The following SPATC1 variants were observed in gnomAD, a reference collection of about 807,000 sequenced individuals.
SPATC1 encodes spermatogenesis and centriole associated 1.
In SPATC1, 35 loss-of-function variants were observed where a neutral mutation model predicts 36.5. The ratio of observed to expected loss-of-function variants is 0.96; its 90% CI spans 0.73 to 1.27. The LOEUF (loss-of-function observed/expected upper bound fraction) is 1.27, where lower values mean the gene tolerates loss of function less well. Among genes scored for constraint, SPATC1 ranks in the 50% most tolerant of loss-of-function variants. The pLI is 0.00. For synonymous variants in SPATC1, 361 were observed against 353.6 expected, an observed-to-expected ratio of 1.02 and a Z score of -0.24; for missense variants, 779 against 796.0, an observed-to-expected ratio of 0.98 and a Z score of 0.26.
chr8:144,042,301 ATATATATATATTTT>A (rs1410557463), intron 4 of SPATC1, among the ~76,000 whole-genome samples: 12 of 55,786 alleles, frequency 2.2e-4, no homozygotes, highest in African/African-American at 1.1e-3. Flanking sequence ...ATATATATAT[ATATATATATATTTT>A]TTTTTTTTTT....
chr8:144,036,890 C>T lies in SPATC1; in HGVS notation c.212-3019C>T, dbSNP rs969419176. ...AGGCTCAGTAAAAAAATAGCACGTC[C>T]GTAAGATGAGGCCTCCGCAGCTACA... is the stretch of plus-strand genomic sequence containing the variant. On this transcript the variant is annotated intron_variant, in intron 1 of 4. Transcript: ENST00000377470. 1.7e-3 allele frequency among the ~76,000 whole-genome samples: 256 copies of T among 151,848 alleles called. 1 individual carries two copies. The highest frequency in any genetic ancestry group is 5.3e-3 in the African/African-American group (221 of 41,424).
chr8:144,044,200 A>T (rs1358260859), intron 4 of SPATC1, among the ~76,000 whole-genome samples: 2 of 152,146 alleles, frequency 1.3e-5, no homozygotes, highest in African/African-American at 4.8e-5. Context: ...CTCTGGGAAC[A>T]GGGGAGCAGA....
rs782239163 is a variant in SPATC1, at chr8:144,046,746, T to C, written c.1566T>C (p.Pro522=). 3 of 1,612,104 alleles carry C rather than the reference T, an allele frequency of 1.9e-6. No homozygotes were observed. Among genetic ancestry groups the C allele is most frequent in the South Asian group, 1.1e-5 (1 of 91,088 alleles). ...QSLGYNGRVH[P]ALTEQLVNAY... The stretch of plus-strand genomic sequence containing the variant: ...TGGGCTACAACGGGCGGGTGCACCC[T>C]GCGCTGACCGAGCAGCTGGTGAACG... Residue 522 remains proline (P), a synonymous_variant, in exon 5 of 5, where the codon CCT becomes CCC. Coordinates refer to ENST00000377470, the MANE Select transcript of SPATC1 (RefSeq NM_198572.3). This position sits in a 1 kb window ranked among gnomAD's most constrained non-coding sequence, Gnocchi z 6.6.
chr8:144,012,868 C>G lies in SPATC1; in HGVS notation c.211+142C>G. ...TCTCTGCTCTAACACACTCAGCTCA[C>G]CAGACAATGTGCTTCCTGTCCTGGA... On this transcript the variant is annotated intron_variant, in intron 1 of 4. Coordinates refer to ENST00000377470, the MANE Select transcript of SPATC1 (RefSeq NM_198572.3). The G allele has an allele frequency of 3.5e-6, 3 of 850,840 alleles. No homozygotes were observed. In the South Asian group the frequency reaches 5.0e-5, roughly 14 times the overall value. 52.7% of individuals were successfully genotyped at this position (850,840 alleles called of 1,614,324 possible).
rs1225581392 is a variant in SPATC1 at position 144,017,207 on chromosome 8, C to G, written c.211+4481C>G. Among the ~76,000 whole-genome samples the G allele has an allele frequency of 2.6e-4, 40 of 152,206 alleles. 1 individual carries two copies. Among genetic ancestry groups the G allele is most frequent in the Admixed American group, 2.6e-3 (40 of 15,284 alleles). Reference sequence around the variant, plus strand: ...AGCATCCAGAATGTATCTGTTGTCCCAGCCAAGGCAGATCTCTATAGTTGC... The same window carrying G: ...AGCATCCAGAATGTATCTGTTGTCCGAGCCAAGGCAGATCTCTATAGTTGC... On this transcript the variant is annotated intron_variant, in intron 1 of 4. Coordinates refer to ENST00000377470, the MANE Select transcript of SPATC1 (RefSeq NM_198572.3).
Position 144,046,478 on chromosome 8 carries a change from A to G in SPATC1, c.1447-149A>G. On this transcript the variant is annotated intron_variant, in intron 4 of 4. Coordinates refer to ENST00000377470, the MANE Select transcript of SPATC1 (RefSeq NM_198572.3). This position sits in a 1 kb window ranked among gnomAD's most constrained non-coding sequence, Gnocchi z 6.6. ...TGCCCACTGGGTTCCCCTGTCCTAG[A>G]TTCTTGAGGTCTGTCGCAGAACCTC... The G allele has an allele frequency of 1.4e-6, 1 of 724,140 alleles. No individual in the cohort carries two copies. The highest frequency in any genetic ancestry group is 1.8e-5 in the African/African-American group (1 of 56,418). The allele number at this position is 724,140 out of a possible 1,614,324, so 44.9% of individuals were successfully genotyped here. A position where few individuals can be genotyped will look rare whatever the true frequency, so the allele number is the denominator to read the frequency against.
At chr8:144,035,781 C>G (rs1368132402) in intron 1 of SPATC1, among the ~76,000 whole-genome samples, 1 of 152,224 alleles carries the variant, frequency 6.6e-6, no homozygotes, top group African/African-American at 2.4e-5. Context: ...ACATTAGGAC[C>G]ACCGGCGCTC....
At chr8:144,038,021 C>G (rs188287203) in intron 1 of SPATC1, among the ~76,000 whole-genome samples, 4,931 of 150,690 alleles carry the variant, frequency 0.033, 292 homozygotes, top group African/African-American at 0.11. Flanking sequence ...CCCAGCTACG[C>G]GAGGCTGAGG....
chr8:144,011,334 G>T (rs1295973158), upstream of SPATC1, among the ~76,000 whole-genome samples: 1 of 152,028 alleles, frequency 6.6e-6, no homozygotes, highest in Non-Finnish European at 1.5e-5. The surrounding 1 kb of genome is among the most constrained non-coding windows in gnomAD (Gnocchi z 4.5). Context: ...ACTGAGCCAG[G>T]ATTACAGTCT....
chr8:144,039,821 C>A (rs183551771), intron 1 of SPATC1, 88 bp from the exon 2 acceptor site: 6 of 1,396,190 alleles, frequency 4.3e-6, no homozygotes, highest in Non-Finnish European at 3.0e-6. Context: ...TATGGCCAGG[C>A]CCTACCACAG....
At chr8:144,024,395 T>TCC (rs1304154104) in intron 1 of SPATC1, among the ~76,000 whole-genome samples, 1 of 120,282 alleles carries the variant, frequency 8.3e-6, no homozygotes, top group Non-Finnish European at 1.8e-5. Flanking sequence ...AGGACCCCCT[T>TCC]CCCTCAGGAC....
At chr8:144,018,877 C>A (rs1337754886) in intron 1 of SPATC1, among the ~76,000 whole-genome samples, 341 of 96,548 alleles carry the variant, frequency 3.5e-3, no homozygotes, top group Non-Finnish European at 4.2e-3. Context: ...ACTAAAAATA[C>A]AAAAAAAAAA....
intron 1 of SPATC1, among the ~76,000 whole-genome samples, chr8:144,031,188 T>A (rs1298094092): frequency 2.0e-5 from 3 of 152,178 alleles, no homozygotes; most frequent in Admixed American, 1.3e-4. Flanking sequence ...CTTTAGCATT[T>A]CTTGTGGGCA....
In SPATC1 at chr8:144,043,685, A is replaced by ATT. The variant is rs527881198; in HGVS notation, c.1446+2334_1446+2335dup. 5.7e-3 allele frequency among the ~76,000 whole-genome samples: 738 copies of ATT among 129,928 alleles called. 3 individuals are homozygous for ATT. Among genetic ancestry groups the ATT allele is most frequent in the Non-Finnish European group, 8.5e-3 (512 of 60,522 alleles). 85.2% of individuals were successfully genotyped at this position (129,928 alleles called of 152,430 possible). A position where few individuals can be genotyped will look rare whatever the true frequency, so the allele number is the denominator to read the frequency against. ...GCCACTGCACTGGCCTATGGACTACATTTTTTTTTTTTTTTTTTTTTACAT... is the reference window on the plus strand; with the variant it reads ...GCCACTGCACTGGCCTATGGACTACATTTTTTTTTTTTTTTTTTTTTTTACAT... On this transcript the variant is annotated intron_variant, in intron 4 of 4. Coordinates refer to ENST00000377470, the MANE Select transcript of SPATC1 (RefSeq NM_198572.3).
Position 144,039,892 on chromosome 8 carries a change from T to C in SPATC1, c.212-17T>C. 6.2e-7 allele frequency: 1 copy of C among 1,605,580 alleles called. No homozygotes were observed. The highest frequency in any genetic ancestry group is 8.5e-7 in the Non-Finnish European group (1 of 1,174,908). Reference sequence around the variant, plus strand: ...AGGGGCTCCCCTGGGGTCTCAGTGCTTTCTCTGTGTTCCCAGGTGTCTTCC... The same window carrying C: ...AGGGGCTCCCCTGGGGTCTCAGTGCCTTCTCTGTGTTCCCAGGTGTCTTCC... On this transcript the variant is annotated splice_polypyrimidine_tract_variant and intron_variant, in intron 1 of 4. Transcript: ENST00000377470.
At chr8:144,044,619 A>AT (rs1317291842) in intron 4 of SPATC1, among the ~76,000 whole-genome samples, 43 of 150,966 alleles carry the variant, frequency 2.8e-4, no homozygotes, top group African/African-American at 9.5e-4. Flanking sequence ...TTGAAGGAAT[A>AT]TTTTTAAGAC....
chr8:144,043,987 A>T (rs1200184658), intron 4 of SPATC1, among the ~76,000 whole-genome samples: 1 of 151,922 alleles, frequency 6.6e-6, no homozygotes, highest in East Asian at 1.9e-4. Context: ...CCTGCTGCTC[A>T]CTTCTCTCAT....
At chr8:144,022,659 C>G (rs1169610409) in intron 1 of SPATC1, among the ~76,000 whole-genome samples, 3 of 150,540 alleles carry the variant, frequency 2.0e-5, no homozygotes, top group Admixed American at 2.0e-4. Context: ...CCCCTCAGGA[C>G]CTTCTCCTCT....
Position 144,040,450 on chromosome 8 carries a change from T to C in SPATC1, c.753T>C (p.Thr251=). Reference sequence around the variant, plus strand: ...AGTCCCCAGCTTGCGTGGTACCCACTGCCACCACCAAAGGTAACAGGTGTG... The same window carrying C: ...AGTCCCCAGCTTGCGTGGTACCCACCGCCACCACCAAAGGTAACAGGTGTG... ...GPQSPACVVP[T]ATTKVPLSTE... is the part of the protein sequence containing the mutation. The change falls in exon 2 of 5, where the codon ACT becomes ACC. Residue 251 remains threonine (T), a synonymous_variant. Transcript: ENST00000377470. 1 of 1,599,202 alleles carries C rather than the reference T, an allele frequency of 6.3e-7. No homozygotes were observed. The highest frequency in any genetic ancestry group is 8.5e-7 in the Non-Finnish European group (1 of 1,172,972).
Sources: gnomAD v4.1 joint callset for allele counts (sites outside exome capture counted in the v4.1 genomes callset) on GRCh38, gnomAD v4.1.1 for gene constraint, Gnocchi (gnomAD v3.1) non-coding constraint, MANE v1.5 for transcripts, NCBI Gene and HGNC (gene_info 2026-07-23, HGNC 2026-07-21) for gene names.